SLC38A8: variants seen among roughly 807,000 people sequenced by gnomAD.
SLC38A8 encodes solute carrier family 38 member 8.
Under a neutral mutation model 46.0 loss-of-function variants are expected in SLC38A8, and 65 were observed. The observed-to-expected ratio is 1.41, with a 90% confidence interval of 1.16 to 1.74. The LOEUF (loss-of-function observed/expected upper bound fraction) is 1.74, where lower values mean the gene tolerates loss of function less well. Ranked by LOEUF, SLC38A8 falls within the 40% of genes most tolerant of loss-of-function variation. The pLI is 0.00. For missense variants in SLC38A8, 998 were observed against 567.9 expected, an observed-to-expected ratio of 1.76 and a Z score of -7.70; for synonymous variants, 447 against 243.7, an observed-to-expected ratio of 1.83 and a Z score of -7.77.
intron 9 of SLC38A8, among the ~76,000 whole-genome samples, 184 bp downstream of exon 9, chr16:84,016,335 G>A (rs1289460831): frequency 6.6e-6 from 1 of 152,222 alleles, no homozygotes; most frequent in Non-Finnish European, 1.5e-5. Context: ...TTTAATGAGT[G>A]AGGGAAGGTA....
intron 9 of SLC38A8, among the ~76,000 whole-genome samples, chr16:84,015,737 C>G (rs1223658947): frequency 6.6e-6 from 1 of 152,176 alleles, no homozygotes; most frequent in Non-Finnish European, 1.5e-5. Context: ...TGGAGTTTCA[C>G]TCTTGTCGCC....
chr16:84,036,538 C>T (rs8053253), intron 3 of SLC38A8, among the ~76,000 whole-genome samples, 164 bp downstream of exon 3: 2 of 152,148 alleles, frequency 1.3e-5, no homozygotes, highest in South Asian at 2.1e-4. Flanking sequence ...ACTATCCATT[C>T]GGAGCCTCCC....
At position 84,029,504 on chromosome 16, in the gene SLC38A8, A is replaced by T. The variant is rs367775968; in HGVS notation, c.680T>A (p.Phe227Tyr). Residue 227 changes from phenylalanine to tyrosine, a missense_variant, in exon 6 of 11, where the codon TTC becomes TAC. Physicochemically the swap from Phe to Tyr is conservative, Grantham distance 22 (BLOSUM62 3). Transcript: ENST00000299709. ...SVFSVFPTICFGFQCHEAAVS... is the reference protein window; with the variant it reads ...SVFSVFPTICYGFQCHEAAVS... ...AGATGCTAAAATTACCTGAAACCCG[A>T]AGCAGATGGTGGGGAAGACACTGAA... 102 of 1,614,038 alleles carry T rather than the reference A, an allele frequency of 6.3e-5. 2 individuals are homozygous for T. In the East Asian group the frequency reaches 1.3e-3, roughly 20 times the overall value.
intron 2 of SLC38A8, among the ~76,000 whole-genome samples, chr16:84,037,255 C>A (rs906320735): frequency 6.6e-6 from 1 of 152,210 alleles, no homozygotes; most frequent in African/African-American, 2.4e-5. Context: ...AGGCAGTAGG[C>A]GTGGTGGCTT....
rs765844556 is a variant in SLC38A8 at position 84,022,857 on chromosome 16, G to T, written c.723C>A (p.Ser241Arg). The change falls in exon 7 of 11, where the codon AGC (serine) becomes AGA (arginine). Residue 241 changes from serine to arginine, a missense_variant. Transcript: ENST00000299709. ...AGTGGGAGAGGCTCCGTTTGCGCAT[G>T]CTGCAGTAGATGGAGACGGCAGCTT... The part of the protein sequence containing the change: ...CHEAAVSIYC[S>R]MRKRSLSHWA... The T allele has an allele frequency of 6.8e-6, 11 of 1,609,796 alleles. No individual in the cohort carries two copies. The highest frequency in any genetic ancestry group is 2.2e-5 in the East Asian group (1 of 44,614).
intron 3 of SLC38A8, among the ~76,000 whole-genome samples, 180 bp downstream of exon 3, chr16:84,036,522 C>A (rs2085300744): frequency 6.6e-6 from 1 of 152,268 alleles, no homozygotes. Context: ...TGTCACCCAA[C>A]TGGTGACTAT....
intron 7 of SLC38A8, among the ~76,000 whole-genome samples, chr16:84,022,339 C>T (rs944721667): frequency 5.3e-5 from 8 of 152,238 alleles, no homozygotes; most frequent in Non-Finnish European, 7.3e-5. Flanking sequence ...CTTTCATCAC[C>T]TTTAAAGACC....
chr16:84,024,306 G>A (rs775551008), intron 6 of SLC38A8, among the ~76,000 whole-genome samples: 1 of 152,196 alleles, frequency 6.6e-6, no homozygotes, highest in Non-Finnish European at 1.5e-5. Context: ...CACATACTTA[G>A]AATCTACATA....
rs138650761 is a variant in SLC38A8, at chr16:84,040,767, C to G, written c.189+1202G>C. 9.0e-4 allele frequency among the ~76,000 whole-genome samples: 137 copies of G among 152,330 alleles called. 1 individual carries two copies. Among genetic ancestry groups the G allele is most frequent in the African/African-American group, 3.2e-3 (131 of 41,572 alleles). On this transcript the variant is annotated intron_variant, in intron 2 of 10. Transcript: ENST00000299709. ...CCGACCACGCCATGTCATATCATCCCCCGATCCCCAGAGACACATGACCCT... is the reference window on the plus strand; with the variant it reads ...CCGACCACGCCATGTCATATCATCCGCCGATCCCCAGAGACACATGACCCT...
chr16:84,039,327 G>A (rs2085340972), intron 2 of SLC38A8, among the ~76,000 whole-genome samples: 1 of 152,226 alleles, frequency 6.6e-6, no homozygotes, highest in Admixed American at 6.5e-5. Flanking sequence ...AAAATATTGA[G>A]GGATTTCTCC....
chr16:84,034,860 A>T (rs34375505), intron 3 of SLC38A8, among the ~76,000 whole-genome samples: 6 of 151,776 alleles, frequency 4.0e-5, no homozygotes, highest in Non-Finnish European at 8.8e-5. Flanking sequence ...CAGGATCCTC[A>T]GGGCCAACAG....
chr16:84,025,828 G>C (rs545320632), intron 6 of SLC38A8, among the ~76,000 whole-genome samples: 1 of 152,212 alleles, frequency 6.6e-6, no homozygotes, highest in Non-Finnish European at 1.5e-5. Flanking sequence ...CCTTCCGCTG[G>C]CGCGTTGACC....
chr16:84,012,773 T>C (rs1218215802), intron 10 of SLC38A8, among the ~76,000 whole-genome samples: 1 of 152,130 alleles, frequency 6.6e-6, no homozygotes, highest in Non-Finnish European at 1.5e-5. Context: ...CCACAGACCC[T>C]CAGAGTGGAA....
intron 9 of SLC38A8, among the ~76,000 whole-genome samples, chr16:84,015,123 G>C (rs994219207): frequency 1.3e-5 from 2 of 152,122 alleles, no homozygotes. Context: ...TCCAGTCGCG[G>C]CTGAATCACA....
chr16:84,031,038 T>C (rs2085231959), intron 5 of SLC38A8, among the ~76,000 whole-genome samples: 2 of 152,100 alleles, frequency 1.3e-5, no homozygotes, highest in Admixed American at 1.3e-4. Flanking sequence ...GTGAGCCTTT[T>C]TATTAATTTT....
intron 2 of SLC38A8, among the ~76,000 whole-genome samples, chr16:84,037,733 C>A (rs978073715): frequency 5.3e-5 from 8 of 149,780 alleles, no homozygotes; most frequent in African/African-American, 2.0e-4. Context: ...TGTACTCCAG[C>A]CTGGGGGATA....
chr16:84,033,298 G>T lies in SLC38A8; in HGVS notation c.530+30C>A, dbSNP rs772972902. Reference sequence around the variant, plus strand: ...GACACAAACACTCAGCAAGGTGGGGGCCCCCACCAGGCAGCATCCCAGCCC... The same window carrying T: ...GACACAAACACTCAGCAAGGTGGGGTCCCCCACCAGGCAGCATCCCAGCCC... On this transcript the variant is annotated intron_variant, in intron 4 of 10. Transcript: ENST00000299709. 15 of 1,613,520 alleles carry T rather than the reference G, an allele frequency of 9.3e-6. No individual in the cohort carries two copies. In the Admixed American group the frequency reaches 2.5e-4, roughly 27 times the overall value.
intron 6 of SLC38A8, 121 bp from the exon 7 acceptor site, chr16:84,023,010 C>T: frequency 1.6e-6 from 1 of 642,880 alleles, no homozygotes; most frequent in Admixed American, 3.3e-5. Context: ...TTGAAATAGC[C>T]TGATCAATCC....
intron 6 of SLC38A8, among the ~76,000 whole-genome samples, chr16:84,025,879 T>G (rs2085158335): frequency 6.6e-6 from 1 of 152,234 alleles, no homozygotes; most frequent in Admixed American, 6.5e-5. Context: ...CCAGGTTTCC[T>G]GTCCTACAGG....
Sources: allele counts gnomAD v4.1 joint callset (sites outside exome capture counted in the v4.1 genomes callset), GRCh38; gene constraint gnomAD v4.1.1; transcripts MANE v1.5; gene names NCBI Gene and HGNC (gene_info 2026-07-23, HGNC 2026-07-21).